The following MYH10 variants were observed in gnomAD, a reference collection of about 807,000 sequenced individuals.
MYH10 encodes the protein myosin-10.
MYH10 carries 55 observed loss-of-function variants against 257.8 expected under a neutral mutation model. The ratio of observed to expected loss-of-function variants is 0.21; its 90% CI spans 0.17 to 0.27. MYH10 has a LOEUF of 0.27. Among genes scored for constraint, MYH10 ranks in the 10% least tolerant of loss-of-function variants. The probability of loss-of-function intolerance (pLI) is 1.00; values close to 1 mark genes in which losing one functional copy is unlikely to be tolerated. For missense variants in MYH10, 1,631 were observed against 2,500.6 expected, an observed-to-expected ratio of 0.65 and a Z score of 7.42; for synonymous variants, 854 against 921.7, an observed-to-expected ratio of 0.93 and a Z score of 1.33.
chr17:8,504,698 G>C lies in MYH10; in HGVS notation c.3595C>G (p.Leu1199Val). Reference sequence around the variant, plus strand: ...TGCTTCCTCTCCCACACTCACCGTAGTTCCTGCTGGGCTGCCGTGGTGTCC... The same window carrying C: ...TGCTTCCTCTCCCACACTCACCGTACTTCCTGCTGGGCTGCCGTGGTGTCC... ...TLDTTAAQQE[L>V]RTKREQEVAE... The change falls in exon 28 of 43, where the codon CTA (leucine) becomes GTA (valine). Residue 1199 changes from leucine to valine, a missense_variant. Physicochemically the swap from Leu to Val is conservative, Grantham distance 32 (BLOSUM62 1). Transcript: ENST00000360416. This position sits in a 1 kb window ranked among gnomAD's most constrained non-coding sequence, Gnocchi z 5.6. 1 of 1,613,884 alleles carries C rather than the reference G, an allele frequency of 6.2e-7. No individual in the cohort carries two copies. Among genetic ancestry groups the C allele is most frequent in the Non-Finnish European group, 8.5e-7 (1 of 1,179,994 alleles).
intron 7 of MYH10, among the ~76,000 whole-genome samples, chr17:8,559,230 C>T (rs997512206): frequency 7.2e-5 from 11 of 152,068 alleles, no homozygotes; most frequent in African/African-American, 2.4e-4. Flanking sequence ...ATTCATCTTC[C>T]GGTTCATCCA....
At chr17:8,604,167 G>C (rs2084711561) in intron 3 of MYH10, among the ~76,000 whole-genome samples, 1 of 152,122 alleles carries the variant, frequency 6.6e-6, no homozygotes, top group Admixed American at 6.5e-5. Context: ...GAGAGGGAGA[G>C]TTATTACAGA....
intron 7 of MYH10, chr17:8,560,929 CAAG>C (rs2082970211): frequency 6.3e-6 from 3 of 475,002 alleles, no homozygotes; most frequent in Non-Finnish European, 1.2e-5. Context: ...GTGAGACTGG[CAAG>C]AAGATCACCA....
At chr17:8,538,623 A>C (rs544264202) in intron 14 of MYH10, among the ~76,000 whole-genome samples, 37 of 152,290 alleles carry the variant, frequency 2.4e-4, no homozygotes, top group Non-Finnish European at 3.7e-4. Context: ...TTTCTGAGCT[A>C]TCTCTCCTAT....
At chr17:8,546,460 G>C (rs1051096200) in intron 12 of MYH10, 84 bp downstream of exon 12, 9 of 1,064,632 alleles carry the variant, frequency 8.5e-6, no homozygotes, top group Non-Finnish European at 1.3e-5. Context: ...TATTGATTCA[G>C]TTTGTTACAT....
intron 40 of MYH10, 110 bp downstream of exon 40, chr17:8,480,000 T>C: frequency 4.8e-6 from 5 of 1,031,794 alleles, no homozygotes; most frequent in Non-Finnish European, 5.7e-6. Context: ...TCTGGTTATA[T>C]GTGTTCTCTG....
At chr17:8,534,408 C>T (rs2082085298) in intron 16 of MYH10, among the ~76,000 whole-genome samples, 2 of 152,206 alleles carry the variant, frequency 1.3e-5, no homozygotes, top group South Asian at 4.2e-4. Flanking sequence ...CTCACACTGA[C>T]TTGATCTGAT....
In MYH10 at chr17:8,480,250, C is replaced by G. The variant is rs763547917; in HGVS notation, c.5457G>C (p.Gln1819His). ...GCTCCTTGTTCTGCCGCTCCAGTTG[C>G]TGGCGTGCATTGTCACTCTTCTGGG... is the stretch of plus-strand genomic sequence containing the variant. ...SAAQKSDNAR[Q>H]QLERQNKELK... The change falls in exon 40 of 43, where the codon CAG (glutamine) becomes CAC (histidine). Residue 1819 changes from glutamine to histidine, a missense_variant. Around this residue, in one of 11 missense-constraint regions of MYH10, gnomAD observed 343 missense variants for 389.5 expected, o/e 0.88. Transcript: ENST00000360416. 1 of 1,614,122 alleles carries G rather than the reference C, an allele frequency of 6.2e-7. No homozygotes were observed. Among genetic ancestry groups the G allele is most frequent in the Non-Finnish European group, 8.5e-7 (1 of 1,180,032 alleles).
In MYH10 at chr17:8,627,135, T is replaced by C. The variant is rs1053686015; in HGVS notation, c.-32+3519A>G. On this transcript the variant is annotated intron_variant, in intron 1 of 42. Coordinates refer to ENST00000360416, the MANE Select transcript of MYH10 (RefSeq NM_001256012.3). ...TTGTGGGGAAAACTACATACACGTG[T>C]GTATTTTTTTTTTAAACGGAACAAA... Among the ~76,000 whole-genome samples the C allele has an allele frequency of 4.8e-4, 63 of 131,324 alleles. 1 individual carries two copies. The highest frequency in any genetic ancestry group is 2.3e-3 in the African/African-American group (60 of 26,654). 86.2% of individuals were successfully genotyped at this position (131,324 alleles called of 152,430 possible). A position where few individuals can be genotyped will look rare whatever the true frequency, so the allele number is the denominator to read the frequency against.
intron 3 of MYH10, among the ~76,000 whole-genome samples, chr17:8,596,286 G>A (rs961754983): frequency 2.0e-5 from 3 of 151,826 alleles, no homozygotes; most frequent in Non-Finnish European, 4.4e-5. Flanking sequence ...CTGAGCAGCT[G>A]GGATTACAGG....
chr17:8,563,405 A>C (rs1267286359), intron 7 of MYH10, among the ~76,000 whole-genome samples: 1 of 152,220 alleles, frequency 6.6e-6, no homozygotes, highest in Non-Finnish European at 1.5e-5. Flanking sequence ...TAGAGCCTTA[A>C]AAAAAGATAA....
intron 7 of MYH10, among the ~76,000 whole-genome samples, chr17:8,558,725 C>T (rs2082889549): frequency 6.6e-6 from 1 of 152,218 alleles, no homozygotes; most frequent in East Asian, 1.9e-4. Flanking sequence ...GTTGAATATA[C>T]AAAATTCTGA....
At chr17:8,505,057 C>T (rs2081030973) in intron 27 of MYH10, 151 bp from the exon 28 acceptor site, 1 of 673,444 alleles carries the variant, frequency 1.5e-6, no homozygotes, top group East Asian at 2.6e-5. Flanking sequence ...ATGCTCAGCA[C>T]CTGCTAGGGC....
At chr17:8,497,716 C>G (rs12948908) in intron 30 of MYH10, among the ~76,000 whole-genome samples, 129,650 of 134,364 alleles carry the variant, frequency 0.96, 62,743 homozygotes, top group East Asian at 1. Flanking sequence ...TCCAGCCTGG[C>G]CGACAGAGCG....
Position 8,510,121 on chromosome 17 carries a change from C to T in MYH10, c.2953-172G>A, listed in dbSNP as rs543565764. 1.4e-3 allele frequency among the ~76,000 whole-genome samples: 215 copies of T among 150,596 alleles called. 1 individual carries two copies. The highest frequency in any genetic ancestry group is 2.6e-3 in the Non-Finnish European group (178 of 67,864). ...TGGTGCCACCTCGGCTCGCTGCAAC[C>T]TCCACCTCCTGGGTTCACGCCATTC... On this transcript the variant is annotated intron_variant, in intron 24 of 42. Transcript: ENST00000360416.
At position 8,629,690 on chromosome 17, in the gene MYH10, C is replaced by T. The variant is rs146866743; in HGVS notation, c.-32+964G>A. Among the ~76,000 whole-genome samples, 1,231 of 152,246 alleles carry T rather than the reference C, an allele frequency of 8.1e-3. 12 individuals are homozygous for T. The highest frequency in any genetic ancestry group is 9.2e-3 in the Non-Finnish European group (628 of 67,998). ...GCAGAAGGCAATGAAGAGACTGCGG[C>T]GAGCCATTCCCAGCTCGCTTACACA... On this transcript the variant is annotated intron_variant, in intron 1 of 42. Transcript: ENST00000360416.
intron 25 of MYH10, 78 bp from the exon 26 acceptor site, chr17:8,508,755 A>C: frequency 6.4e-7 from 1 of 1,559,488 alleles, no homozygotes; most frequent in South Asian, 1.1e-5. Flanking sequence ...ATAAAGGTCA[A>C]CTTTGACTCG....
Position 8,485,262 on chromosome 17 carries a change from C to T in MYH10, c.5047-996G>A, listed in dbSNP as rs553921116. Among the ~76,000 whole-genome samples, 196 of 151,836 alleles carry T rather than the reference C, an allele frequency of 1.3e-3. 1 individual carries two copies. The highest frequency in any genetic ancestry group is 8.5e-3 in the South Asian group (41 of 4,812). ...TATAATACCATCAAAAGAATATAAACTTAGGTATAAAGAAAAAAAGTGAAA... is the reference window on the plus strand; with the variant it reads ...TATAATACCATCAAAAGAATATAAATTTAGGTATAAAGAAAAAAAGTGAAA... On this transcript the variant is annotated intron_variant, in intron 36 of 42. Transcript: ENST00000360416.
chr17:8,525,863 G>A (rs1260885379), intron 17 of MYH10, among the ~76,000 whole-genome samples: 1 of 152,116 alleles, frequency 6.6e-6, no homozygotes, highest in African/African-American at 2.4e-5. Context: ...CACAATCTCG[G>A]CTCAGAGCAA....
Sources: gnomAD v4.1 joint callset for allele counts (sites outside exome capture counted in the v4.1 genomes callset) on GRCh38, gnomAD v4.1.1 for gene constraint, gnomAD v4.1.1 regional missense constraint, Gnocchi (gnomAD v3.1) non-coding constraint, MANE v1.5 for transcripts, NCBI Gene and HGNC (gene_info 2026-07-23, HGNC 2026-07-21) for gene names.